The following POLQ variants were observed in gnomAD, a reference collection of about 807,000 sequenced individuals.
POLQ encodes epididymis secretory sperm binding protein.
Under a neutral mutation model 259.2 loss-of-function variants are expected in POLQ, and 233 were observed. The observed-to-expected ratio is 0.90, with a 90% confidence interval of 0.81 to 1.00. POLQ has a LOEUF of 1.00. POLQ is among the 50% of genes least tolerant of loss of function. POLQ has a pLI of 0.00. For synonymous variants in POLQ, 1,025 were observed against 1,048.8 expected (o/e 0.98, Z 0.44); for missense variants, 2,871 against 3,051.6 (o/e 0.94, Z 1.39).
Position 121,524,023 on chromosome 3 carries a change from ATAAT to A in POLQ, c.1109-1878_1109-1875del, listed in dbSNP as rs1211310887. Among the ~76,000 whole-genome samples, 3 of 152,324 alleles carry A rather than the reference ATAAT, an allele frequency of 2.0e-5. No individual in the cohort carries two copies. In the East Asian group the frequency reaches 5.8e-4, roughly 29 times the overall value. On this transcript the variant is annotated intron_variant, in intron 7 of 29. Coordinates refer to ENST00000264233, the MANE Select transcript of POLQ (RefSeq NM_199420.4). ...CAGAATGTAAACTGCAGCTTTATAAATAATGTGCTGCCTTGTCTTTACTTTTCTG... is the reference window on the plus strand; with the variant it reads ...CAGAATGTAAACTGCAGCTTTATAAAGTGCTGCCTTGTCTTTACTTTTCTG...
chr3:121,476,466 A>G, intron 20 of POLQ, 74 bp downstream of exon 20: 1 of 1,079,446 alleles, frequency 9.3e-7, no homozygotes, highest in Non-Finnish European at 1.4e-6. Context: ...ACACACACAC[A>G]CACACACACA....
chr3:121,520,609 A>G (rs2048330284), intron 8 of POLQ, among the ~76,000 whole-genome samples: 1 of 152,204 alleles, frequency 6.6e-6, no homozygotes. Context: ...CCAGGGGTCC[A>G]CAAACTTTTC....
In POLQ at chr3:121,447,009, T is replaced by C. The variant is rs559512357; in HGVS notation, c.7264+2306A>G. 3.6e-4 allele frequency among the ~76,000 whole-genome samples: 55 copies of C among 152,136 alleles called. 1 individual carries two copies. In the South Asian group the frequency reaches 0.011, roughly 31 times the overall value. ...ATTTTGTTGTTTACTGGTTGTTCCATGGTTTTTTTTCTCTTTCTTTCCTTC... is the reference window on the plus strand; with the variant it reads ...ATTTTGTTGTTTACTGGTTGTTCCACGGTTTTTTTTCTCTTTCTTTCCTTC... On this transcript the variant is annotated intron_variant, in intron 26 of 29. Coordinates refer to ENST00000264233, the MANE Select transcript of POLQ (RefSeq NM_199420.4).
chr3:121,489,603 T>C lies in POLQ; in HGVS notation c.3328A>G (p.Asn1110Asp), dbSNP rs2048047275. ...NVSLSGKEKD[N>D]KTSFPLQIKQ... ...ATTTGTAATGGGAATGATGTTTTATTATCTTTTTCCTTACCACTCAAAGAT... is the reference window on the plus strand; with the variant it reads ...ATTTGTAATGGGAATGATGTTTTATCATCTTTTTCCTTACCACTCAAAGAT... The change falls in exon 16 of 30, where the codon AAT (asparagine) becomes GAT (aspartate). Residue 1110 changes from asparagine (N) to aspartate (D), a missense_variant. Asn to Asp is a conservative substitution (Grantham distance 23). Transcript: ENST00000264233. The C allele has an allele frequency of 6.2e-7, 1 of 1,613,490 alleles. No homozygotes were observed. The highest frequency in any genetic ancestry group is 2.2e-5 in the East Asian group (1 of 44,878).
intron 16 of POLQ, among the ~76,000 whole-genome samples, chr3:121,486,507 T>C (rs547358513): frequency 6.6e-6 from 1 of 151,868 alleles, no homozygotes; most frequent in South Asian, 2.1e-4. Flanking sequence ...TGAGCCGACA[T>C]CATGCCACTG....
intron 2 of POLQ, among the ~76,000 whole-genome samples, chr3:121,543,031 G>A (rs1475392817): frequency 6.6e-6 from 1 of 151,938 alleles, no homozygotes. Context: ...CAAGATCAGA[G>A]GAAAAGAATG....
intron 13 of POLQ, 53 bp from the exon 14 acceptor site, chr3:121,496,985 G>T: frequency 6.3e-7 from 1 of 1,583,568 alleles, no homozygotes; most frequent in South Asian, 1.1e-5. Context: ...TCTACTAGGC[G>T]ATACAGTGTG....
Position 121,526,893 on chromosome 3 carries a change from G to A in POLQ, c.1108+2752C>T, listed in dbSNP as rs575593050. Among the ~76,000 whole-genome samples, 63 of 152,010 alleles carry A rather than the reference G, an allele frequency of 4.1e-4. 1 individual carries two copies. In the East Asian group the frequency reaches 6.6e-3, roughly 16 times the overall value. The stretch of plus-strand genomic sequence containing the variant: ...TCTCTGTATGTGTGTGTGTGTGTGC[G>A]CGCGCGCACGCACGTGCATCTGTGG... On this transcript the variant is annotated intron_variant, in intron 7 of 29. Transcript: ENST00000264233.
At chr3:121,504,000 G>C (rs964116266) in intron 12 of POLQ, among the ~76,000 whole-genome samples, 34 of 152,258 alleles carry the variant, frequency 2.2e-4, no homozygotes, top group Non-Finnish European at 2.6e-4. Flanking sequence ...TTACAGGCGA[G>C]TGCCACCATG....
At chr3:121,509,431 T>C (rs988782532) in intron 12 of POLQ, 130 bp downstream of exon 12, 4 of 628,638 alleles carry the variant, frequency 6.4e-6, no homozygotes, top group African/African-American at 5.6e-5. Flanking sequence ...CTCTTCTCTA[T>C]TCCCACCAGT....
intron 18 of POLQ, among the ~76,000 whole-genome samples, chr3:121,482,386 G>A (rs1415955060): frequency 6.6e-6 from 1 of 152,016 alleles, no homozygotes; most frequent in Non-Finnish European, 1.5e-5. Flanking sequence ...TGGGCATGGT[G>A]GTGGGCACCT....
In POLQ at chr3:121,460,110, T is replaced by G; in HGVS notation, c.7092A>C (p.Ala2364=). The G allele has an allele frequency of 6.2e-7, 1 of 1,614,122 alleles. No homozygotes were observed. The highest frequency in any genetic ancestry group is 1.1e-5 in the South Asian group (1 of 91,078). The change falls in exon 25 of 30, where the codon GCA becomes GCC. Residue 2364 remains alanine (A), a synonymous_variant. Transcript: ENST00000264233. ...ACTCTGGCTCAATCATCTTCCACTC[T>G]GCTGCAATGCTCCTGAAAACATCAG... ...TGADVFRSIA[A]EWKMIEPESV... is the part of the protein sequence containing the mutation.
chr3:121,476,654 T>G lies in POLQ; in HGVS notation c.6291A>C (p.Ala2097=), dbSNP rs367723511. ...LELNGIGFST[A]ECESQKHIMQ... ...TTATATGTTTCTGACTTTCACATTC[T>G]GCAGTACTAAAGCCAATTCCATTTA... The change falls in exon 20 of 30, where the codon GCA becomes GCC. Residue 2097 remains alanine, a synonymous_variant. Transcript: ENST00000264233. The G allele has an allele frequency of 9.3e-6, 15 of 1,613,570 alleles. No individual in the cohort carries two copies. The African/African-American group carries it at 1.9e-4, about 20-fold the overall frequency.
At chr3:121,502,123 C>T (rs1267096750) in intron 12 of POLQ, among the ~76,000 whole-genome samples, 1 of 151,742 alleles carries the variant, frequency 6.6e-6, no homozygotes, top group Non-Finnish European at 1.5e-5. Context: ...CATATAAAAA[C>T]AGTATCATTA....
chr3:121,465,280 T>C (rs1308713851), intron 24 of POLQ, among the ~76,000 whole-genome samples: 2 of 151,942 alleles, frequency 1.3e-5, no homozygotes, highest in Non-Finnish European at 2.9e-5. Flanking sequence ...TCTGTAAAGA[T>C]GGGGTCTCCC....
intron 12 of POLQ, 49 bp downstream of exon 12, chr3:121,509,512 A>G (rs1007013173): frequency 6.6e-7 from 1 of 1,508,862 alleles, no homozygotes; most frequent in African/African-American, 1.4e-5. Context: ...TTATATATCT[A>G]TTTTTTTCTC....
In POLQ at chr3:121,544,689, T is replaced by C. The variant is rs752943872; in HGVS notation, c.343+38A>G. The C allele has an allele frequency of 3.0e-6, 4 of 1,334,268 alleles. No homozygotes were observed. The South Asian group carries it at 4.8e-5, about 16-fold the overall frequency. The allele number at this position is 1,334,268 out of a possible 1,614,324, so 82.7% of individuals were successfully genotyped here. On this transcript the variant is annotated intron_variant, in intron 2 of 29. Transcript: ENST00000264233. The stretch of plus-strand genomic sequence containing the variant: ...CAATAGAGTATTCTTTACATTCATA[T>C]CTTAAAAATAGTAATTAGTTTACAT...
chr3:121,513,815 G>C (rs905510503), intron 9 of POLQ, among the ~76,000 whole-genome samples: 2 of 151,736 alleles, frequency 1.3e-5, no homozygotes, highest in Non-Finnish European at 2.9e-5. Flanking sequence ...CTTAGGTCAG[G>C]AGTTCGAGAC....
At chr3:121,518,666 C>T (rs1279064527) in intron 9 of POLQ, among the ~76,000 whole-genome samples, 1 of 152,124 alleles carries the variant, frequency 6.6e-6, no homozygotes, top group South Asian at 2.1e-4. Context: ...ACCCAGCTTC[C>T]TCTGCCCAGA....
Sources: gnomAD v4.1 joint callset for allele counts (sites outside exome capture counted in the v4.1 genomes callset) on GRCh38, gnomAD v4.1.1 for gene constraint, MANE v1.5 for transcripts, NCBI Gene and HGNC (gene_info 2026-07-23, HGNC 2026-07-21) for gene names.